Variants in CTNND2 observed in about 807,000 individuals in gnomAD.
CTNND2 encodes catenin delta-2.
Under a neutral mutation model 144.4 loss-of-function variants are expected in CTNND2, and 22 were observed. The observed-to-expected ratio is 0.15, with a 90% confidence interval of 0.11 to 0.22. The LOEUF is 0.22. Ranked by LOEUF, CTNND2 falls within the 10% of genes least tolerant of loss-of-function variation. The probability of loss-of-function intolerance (pLI) is 1.00; values close to 1 mark genes in which losing one functional copy is unlikely to be tolerated. For synonymous variants in CTNND2, 751 were observed against 695.6 expected (o/e 1.08, Z -1.25); for missense variants, 1,353 against 1,618.8 (o/e 0.84, Z 2.82).
At chr5:11,510,732 A>G (rs1352108815) in intron 3 of CTNND2, among the ~76,000 whole-genome samples, 1 of 152,180 alleles carries the variant, frequency 6.6e-6, no homozygotes, top group Non-Finnish European at 1.5e-5. Flanking sequence ...GGTGTTCAAG[A>G]CCAGCCTGGC....
At chr5:11,292,769 A>G (rs1335730866) in intron 9 of CTNND2, among the ~76,000 whole-genome samples, 1 of 152,142 alleles carries the variant, frequency 6.6e-6, no homozygotes, top group Non-Finnish European at 1.5e-5. Context: ...TAATACACAC[A>G]TACTCAGGGA....
Position 11,468,321 on chromosome 5 carries a change from T to C in CTNND2, c.288-56252A>G, listed in dbSNP as rs185538539. On this transcript the variant is annotated intron_variant, in intron 3 of 21. Transcript: ENST00000304623. ...GAAAGCAAGAGGACAAAAGTGACTT[T>C]TAAAAATTTGTAATCATAAAACAGA... Among the ~76,000 whole-genome samples, 118 of 152,246 alleles carry C rather than the reference T, an allele frequency of 7.8e-4. 2 individuals are homozygous for C. In the Middle Eastern group the frequency reaches 0.014, roughly 18 times the overall value.
chr5:11,870,539 G>A (rs1413201358), intron 1 of CTNND2, among the ~76,000 whole-genome samples: 1 of 152,192 alleles, frequency 6.6e-6, no homozygotes, highest in African/African-American at 2.4e-5. Context: ...GTAAGCTCGA[G>A]GATAAACAGA....
chr5:11,421,599 G>C (rs1217409581), intron 3 of CTNND2, among the ~76,000 whole-genome samples: 1 of 152,088 alleles, frequency 6.6e-6, no homozygotes, highest in Non-Finnish European at 1.5e-5. Context: ...CCAAAATGGG[G>C]CCAATATGGG....
intron 11 of CTNND2, among the ~76,000 whole-genome samples, chr5:11,192,308 C>A (rs948926828): frequency 1.3e-5 from 2 of 152,148 alleles, no homozygotes; most frequent in Non-Finnish European, 2.9e-5. Flanking sequence ...AGGCTGGCAT[C>A]CCCCGACTAA....
At chr5:11,173,120 G>T (rs541755212) in intron 11 of CTNND2, among the ~76,000 whole-genome samples, 1 of 152,244 alleles carries the variant, frequency 6.6e-6, no homozygotes, top group Non-Finnish European at 1.5e-5. Flanking sequence ...GACTCACATT[G>T]TCATAAAAAA....
rs920356098 is a variant in CTNND2 at position 11,904,324 on chromosome 5, C to G, written c.-471G>C. On this transcript the variant is annotated 5_prime_UTR_variant, in exon 1 of 22. Transcript: ENST00000304623. This position sits in a 1 kb window ranked among gnomAD's most constrained non-coding sequence, Gnocchi z 4.2. ...CCTGTGCCGCCGCCGCCTCAGCCGC[C>G]GAGGGCGAGGCTCCTCCCGCGGCGC... 3.6e-4 allele frequency among the ~76,000 whole-genome samples: 54 copies of G among 149,080 alleles called. No homozygotes were observed. Among genetic ancestry groups the G allele is most frequent in the African/African-American group, 1.3e-3 (52 of 41,182 alleles).
At chr5:11,770,570 T>C (rs1392024619) in intron 1 of CTNND2, among the ~76,000 whole-genome samples, 2 of 152,102 alleles carry the variant, frequency 1.3e-5, no homozygotes, top group Non-Finnish European at 2.9e-5. Context: ...GCCTGCACAG[T>C]GATCACAAAA....
intron 10 of CTNND2, among the ~76,000 whole-genome samples, chr5:11,220,071 C>T (rs921751066): frequency 1.6e-4 from 24 of 151,804 alleles, no homozygotes; most frequent in African/African-American, 5.1e-4. Context: ...CATTTGTAAA[C>T]GATATTATTA....
intron 2 of CTNND2, among the ~76,000 whole-genome samples, chr5:11,572,095 G>C (rs1777607749): frequency 6.6e-6 from 1 of 152,172 alleles, no homozygotes; most frequent in African/African-American, 2.4e-5. Flanking sequence ...TTGGCAGTCA[G>C]ATCATCTTTT....
At chr5:11,815,377 C>T (rs1168641458) in intron 1 of CTNND2, among the ~76,000 whole-genome samples, 4 of 152,124 alleles carry the variant, frequency 2.6e-5, no homozygotes, top group Admixed American at 6.5e-5. Context: ...AGAATTATAA[C>T]AATAGCAAAA....
At chr5:11,058,151 G>T (rs971700573) in intron 16 of CTNND2, among the ~76,000 whole-genome samples, 2 of 152,218 alleles carry the variant, frequency 1.3e-5, no homozygotes, top group Non-Finnish European at 2.9e-5. Context: ...CAAGCCAGCT[G>T]CAGAAATTTG....
At chr5:11,812,134 G>T (rs1792367795) in intron 1 of CTNND2, among the ~76,000 whole-genome samples, 1 of 152,122 alleles carries the variant, frequency 6.6e-6, no homozygotes, top group African/African-American at 2.4e-5. Flanking sequence ...ACCTTTAAAA[G>T]GAGAGAAATA....
intron 14 of CTNND2, among the ~76,000 whole-genome samples, chr5:11,106,819 C>T (rs1015875468): frequency 2.6e-5 from 4 of 152,112 alleles, no homozygotes; most frequent in Non-Finnish European, 4.4e-5. Flanking sequence ...GGTGCCACTA[C>T]GAGCCAGTCT....
rs189676995 is a variant in CTNND2 at position 11,284,294 on chromosome 5, G to A, written c.1629-47471C>T. Reference sequence around the variant, plus strand: ...TTTTATTTTATTTTTTTAAGTTCCAGGGTACAGATGCAGGTTTGTTACATA... The same window carrying A: ...TTTTATTTTATTTTTTTAAGTTCCAAGGTACAGATGCAGGTTTGTTACATA... On this transcript the variant is annotated intron_variant, in intron 9 of 21. Coordinates refer to ENST00000304623, the MANE Select transcript of CTNND2 (RefSeq NM_001332.4). 2.5e-3 allele frequency among the ~76,000 whole-genome samples: 382 copies of A among 152,212 alleles called. 2 individuals are homozygous for A. The highest frequency in any genetic ancestry group is 3.9e-3 in the Non-Finnish European group (267 of 68,016).
chr5:11,194,771 A>G (rs1336249216), intron 11 of CTNND2, among the ~76,000 whole-genome samples: 2 of 152,232 alleles, frequency 1.3e-5, no homozygotes, highest in African/African-American at 4.8e-5. Context: ...CTTCAGTTCT[A>G]ACTAATATCC....
intron 1 of CTNND2, among the ~76,000 whole-genome samples, chr5:11,767,824 C>G (rs1367791124): frequency 6.6e-6 from 1 of 152,174 alleles, no homozygotes; most frequent in African/African-American, 2.4e-5. Context: ...GCCTTCATCG[C>G]TGTTCCCCCT....
chr5:11,488,878 T>C (rs192380030), intron 3 of CTNND2, among the ~76,000 whole-genome samples: 78 of 152,348 alleles, frequency 5.1e-4, no homozygotes, highest in African/African-American at 1.8e-3. Flanking sequence ...CTTGAAGCTG[T>C]TGTGTACATC....
intron 9 of CTNND2, among the ~76,000 whole-genome samples, chr5:11,301,043 A>T (rs998643593): frequency 6.6e-6 from 1 of 151,900 alleles, no homozygotes; most frequent in Non-Finnish European, 1.5e-5. Context: ...GGGCTGTTGC[A>T]TGGGCTGGGC....
Sources: gnomAD v4.1 joint callset for allele counts (sites outside exome capture counted in the v4.1 genomes callset) on GRCh38, gnomAD v4.1.1 for gene constraint, Gnocchi (gnomAD v3.1) non-coding constraint, MANE v1.5 for transcripts, NCBI Gene and HGNC (gene_info 2026-07-23, HGNC 2026-07-21) for gene names.